The following MAPDA variants were observed in gnomAD, a reference collection of about 807,000 sequenced individuals.
MAPDA encodes the protein N6,N6-dimethyl-AMP deaminase.
the MAPDA span, among the ~76,000 whole-genome samples, chr15:43,344,578 A>G: frequency 6.6e-6 from 1 of 151,976 alleles, no homozygotes; most frequent in East Asian, 1.9e-4. Context: ...GGAGGCCAAC[A>G]TGGGCAGATC....
At chr15:43,335,403 G>A in the MAPDA span, among the ~76,000 whole-genome samples, 2 of 152,090 alleles carry the variant, frequency 1.3e-5, no homozygotes, top group Admixed American at 1.3e-4. Flanking sequence ...GGGCTTGGTG[G>A]CATGCCTGTA....
chr15:43,342,478 G>A, the MAPDA span, among the ~76,000 whole-genome samples: 1 of 149,780 alleles, frequency 6.7e-6, no homozygotes, highest in African/African-American at 2.4e-5. Flanking sequence ...GACAAGTGTA[G>A]TGGCTCATAC....
At chr15:43,352,921 G>A in the MAPDA span, 1 of 151,632 alleles carries the variant, frequency 6.6e-6, no homozygotes, top group Non-Finnish European at 1.5e-5. Context: ...GCTGAGGGGT[G>A]AGAAAGACAG....
At chr15:43,353,469 G>C in the MAPDA span, 1 of 152,032 alleles carries the variant, frequency 6.6e-6, no homozygotes, top group East Asian at 1.9e-4. Flanking sequence ...GTATTTATTT[G>C]GTCTTTGACC....
chr15:43,342,283 T>G, the MAPDA span, among the ~76,000 whole-genome samples: 1 of 152,104 alleles, frequency 6.6e-6, no homozygotes. Flanking sequence ...GAGGTTGCTC[T>G]GGAGAGTGCT....
chr15:43,347,638 G>A, the MAPDA span, among the ~76,000 whole-genome samples: 1 of 152,078 alleles, frequency 6.6e-6, no homozygotes, highest in Non-Finnish European at 1.5e-5. Context: ...CCCTTTTGAG[G>A]GACTTTGCTG....
At chr15:43,345,787 T>G in the MAPDA span, 3 of 1,584,598 alleles carry the variant, frequency 1.9e-6, no homozygotes, top group East Asian at 6.7e-5. Flanking sequence ...TCTGTCTGGC[T>G]GTACTCAGAA....
chr15:43,346,039 A>T, the MAPDA span: 1 of 1,602,556 alleles, frequency 6.2e-7, no homozygotes, highest in South Asian at 1.1e-5. Context: ...TGGGATAAGG[A>T]CTAGCTTCGG....
the MAPDA span, chr15:43,334,969 ATACAGCTAATCT>A: frequency 1.5e-6 from 1 of 684,528 alleles, no homozygotes; most frequent in Non-Finnish European, 2.4e-6. Context: ...AGATCTACAC[ATACAGCTAATCT>A]TACCAAAATG....
the MAPDA span, chr15:43,347,046 C>T: frequency 1.9e-6 from 3 of 1,613,840 alleles, no homozygotes; most frequent in Non-Finnish European, 1.7e-6. Flanking sequence ...CTTGGAACCT[C>T]TTTTAGAAGC....
the MAPDA span, among the ~76,000 whole-genome samples, chr15:43,336,873 G>T: frequency 1.6e-4 from 24 of 152,276 alleles, no homozygotes; most frequent in African/African-American, 5.3e-4. Flanking sequence ...TGTGTTTCTT[G>T]TAAAAGATAT....
At chr15:43,335,733 A>G in the MAPDA span, 1 of 1,613,788 alleles carries the variant, frequency 6.2e-7, no homozygotes, top group Non-Finnish European at 8.5e-7. Context: ...ATTAGTTCTC[A>G]TACCATGAAG....
At chr15:43,335,404 C>T in the MAPDA span, among the ~76,000 whole-genome samples, 1 of 152,108 alleles carries the variant, frequency 6.6e-6, no homozygotes, top group African/African-American at 2.4e-5. Context: ...GGCTTGGTGG[C>T]ATGCCTGTAG....
At chr15:43,336,621 TG>T in the MAPDA span, 1 of 1,567,136 alleles carries the variant, frequency 6.4e-7, no homozygotes, top group Non-Finnish European at 8.6e-7. Context: ...TCATTCATGT[TG>T]CAGATGTTTC....
chr15:43,338,921 G>A, the MAPDA span, among the ~76,000 whole-genome samples: 1 of 152,188 alleles, frequency 6.6e-6, no homozygotes, highest in East Asian at 1.9e-4. Flanking sequence ...GAAAGAGGGA[G>A]CCTTGGATAG....
the MAPDA span, chr15:43,349,167 A>G: frequency 6.7e-7 from 1 of 1,503,588 alleles, no homozygotes; most frequent in Non-Finnish European, 8.9e-7. Context: ...CTATTAAAAG[A>G]TGGAGTGTGT....
chr15:43,349,288 G>A, the MAPDA span: 1 of 1,217,270 alleles, frequency 8.2e-7, no homozygotes, highest in Non-Finnish European at 1.0e-6. Context: ...CCAATGCTTG[G>A]AACTCAATAA....
chr15:43,335,253 G>A, the MAPDA span: 1 of 1,496,854 alleles, frequency 6.7e-7, no homozygotes, highest in South Asian at 1.2e-5. Flanking sequence ...AGTAAATTTT[G>A]GCTGGGCGCA....
the MAPDA span, among the ~76,000 whole-genome samples, chr15:43,347,517 A>G: frequency 6.6e-6 from 1 of 152,326 alleles, no homozygotes; most frequent in Admixed American, 6.5e-5. Context: ...AAAGCCCAGC[A>G]AAGAGGTCCA....
Sources: gnomAD v4.1 joint callset for allele counts (sites outside exome capture counted in the v4.1 genomes callset) on GRCh38, gnomAD v4.1.1 for gene constraint, MANE v1.5 for transcripts, NCBI Gene and HGNC (gene_info 2026-07-23, HGNC 2026-07-21) for gene names.